Variants in PLCE1 observed in about 807,000 individuals in gnomAD.
PLCE1 encodes the protein 1-phosphatidylinositol 4,5-bisphosphate phosphodiesterase epsilon-1.
PLCE1 carries 119 observed loss-of-function variants against 242.8 expected under a neutral mutation model. The observed-to-expected ratio is 0.49, with a 90% CI of 0.42 to 0.57. PLCE1 has a LOEUF of 0.57. PLCE1 is among the 20% of genes least tolerant of loss of function. PLCE1 has a pLI of 0.00. For synonymous variants in PLCE1, 945 were observed against 1,017.4 expected, an observed-to-expected ratio of 0.93 and a Z score of 1.35; for missense variants, 2,441 against 2,788.8, an observed-to-expected ratio of 0.88 and a Z score of 2.81.
At chr10:94,220,376 T>TTATATATATTTA (rs2049688620) in intron 4 of PLCE1, among the ~76,000 whole-genome samples, 2 of 61,878 alleles carry the variant, frequency 3.2e-5, no homozygotes, top group African/African-American at 6.3e-5. Context: ...ACTAAACATT[T>TTATATATATTTA]TATATATATA....
Position 94,100,892 on chromosome 10 carries a change from T to C in PLCE1, c.1207-31282T>C, listed in dbSNP as rs1037404158. Among the ~76,000 whole-genome samples the C allele has an allele frequency of 3.9e-5, 6 of 152,170 alleles. No homozygotes were observed. In the South Asian group the frequency reaches 8.3e-4, roughly 21 times the overall value. ...ACAGGGGAGGGTTCCCTGTCTGGAA[T>C]TGGAGGCTCAGATGGGGCTTCCTCC... On this transcript the variant is annotated intron_variant, in intron 2 of 32. Transcript: ENST00000371380.
At chr10:94,297,590 T>TAAAAAAAAAAAAAAAAAAAAA (rs71031568) in intron 23 of PLCE1, among the ~76,000 whole-genome samples, 11 of 56,572 alleles carry the variant, frequency 1.9e-4, no homozygotes, top group East Asian at 5.6e-4. Context: ...TTTAAATTTG[T>TAAAAAAAAAAAAAAAAAAAAA]AAAAAAAAAA....
chr10:94,311,292 G>A (rs557646386), intron 27 of PLCE1, among the ~76,000 whole-genome samples: 3 of 152,202 alleles, frequency 2.0e-5, no homozygotes, highest in Non-Finnish European at 4.4e-5. Flanking sequence ...AGGTCTGGCA[G>A]CAGGGCTGAA....
intron 2 of PLCE1, chr10:94,121,053 T>C (rs1282576359): frequency 1.3e-5 from 2 of 152,222 alleles, no homozygotes; most frequent in African/African-American, 4.8e-5. Context: ...GTAACTCTGA[T>C]ATTGACCAAG....
intron 3 of PLCE1, among the ~76,000 whole-genome samples, chr10:94,140,506 G>A (rs1469992513): frequency 6.6e-6 from 1 of 152,142 alleles, no homozygotes; most frequent in Non-Finnish European, 1.5e-5. Flanking sequence ...ACACACCACT[G>A]TACTCCCTCC....
intron 22 of PLCE1, among the ~76,000 whole-genome samples, chr10:94,289,389 G>C (rs1451457749): frequency 1.3e-5 from 2 of 152,176 alleles, no homozygotes; most frequent in African/African-American, 4.8e-5. Flanking sequence ...AGAGCATCCA[G>C]AAGAAAGCCT....
chr10:93,999,634 G>A (rs1182869188), intron 1 of PLCE1, among the ~76,000 whole-genome samples: 1 of 152,170 alleles, frequency 6.6e-6, no homozygotes, highest in Non-Finnish European at 1.5e-5. Flanking sequence ...ACTGCATCTG[G>A]ACAGCCCGAA....
chr10:94,245,143 A>G (rs747454778), intron 7 of PLCE1, among the ~76,000 whole-genome samples: 5 of 152,218 alleles, frequency 3.3e-5, no homozygotes, highest in Admixed American at 1.3e-4. Context: ...AAGCCTAACA[A>G]TGAAAATCCC....
chr10:94,010,582 A>C (rs944950987), intron 1 of PLCE1, among the ~76,000 whole-genome samples: 1 of 152,202 alleles, frequency 6.6e-6, no homozygotes, highest in Non-Finnish European at 1.5e-5. Context: ...TAAGAGTTCG[A>C]ACTTTAAGTC....
Position 94,051,286 on chromosome 10 carries a change from C to CAAAAAAAAAA in PLCE1, c.1206+19051_1206+19060dup, listed in dbSNP as rs869233995. Among the ~76,000 whole-genome samples the CAAAAAAAAAA allele has an allele frequency of 1.5e-3, 43 of 29,364 alleles. 7 individuals are homozygous for CAAAAAAAAAA. The highest frequency in any genetic ancestry group is 4.0e-3 in the South Asian group (2 of 502). The allele number at this position is 29,364 out of a possible 152,430, so 19.3% of individuals were successfully genotyped here. A position where few individuals can be genotyped will look rare whatever the true frequency, so the allele number is the denominator to read the frequency against. On this transcript the variant is annotated intron_variant, in intron 2 of 32. Coordinates refer to ENST00000371380, the MANE Select transcript of PLCE1 (RefSeq NM_016341.4). ...TGGGTGATAGAGCGAGACTCCAACT[C>CAAAAAAAAAA]AAAAAAAAAAAAAAAAAAAAAAAAA...
chr10:94,215,734 G>A (rs1269519785), intron 4 of PLCE1, among the ~76,000 whole-genome samples: 1 of 152,134 alleles, frequency 6.6e-6, no homozygotes. Context: ...CATATATGGA[G>A]AGGATGTAGC....
At position 94,175,976 on chromosome 10, in the gene PLCE1, A is replaced by G. The variant is rs192791970; in HGVS notation, c.1809+4480A>G. ...CTATTCATCTTGTTGATGGACACTT[A>G]GGTTGCTTCCAAATCTTGGCTATTG... On this transcript the variant is annotated intron_variant, in intron 4 of 32. Coordinates refer to ENST00000371380, the MANE Select transcript of PLCE1 (RefSeq NM_016341.4). Among the ~76,000 whole-genome samples the G allele has an allele frequency of 7.2e-5, 11 of 152,286 alleles. No individual in the cohort carries two copies. The South Asian group carries it at 1.7e-3, about 23-fold the overall frequency.
chr10:94,178,352 T>A (rs1361330926), intron 4 of PLCE1, among the ~76,000 whole-genome samples: 3 of 152,100 alleles, frequency 2.0e-5, no homozygotes, highest in Non-Finnish European at 2.9e-5. Flanking sequence ...GACCCCCAGT[T>A]CTATTGAGAC....
chr10:94,220,376 T>TTATATTCATA lies in PLCE1; in HGVS notation c.1810-6925_1810-6924insTCATATATAT, dbSNP rs1234804837. On this transcript the variant is annotated intron_variant, in intron 4 of 32. Transcript: ENST00000371380. ...AATAAAAGCTTAAAAACTAAACATT[T>TTATATTCATA]TATATATATATATATATATATATAT... Among the ~76,000 whole-genome samples the TTATATTCATA allele has an allele frequency of 2.4e-4, 15 of 61,906 alleles. 1 individual carries two copies. The highest frequency in any genetic ancestry group is 7.5e-4 in the Admixed American group (4 of 5,304). The allele number at this position is 61,906 out of a possible 152,430, so 40.6% of individuals were successfully genotyped here.
chr10:94,164,866 A>C (rs996471637), intron 3 of PLCE1, among the ~76,000 whole-genome samples: 1 of 152,194 alleles, frequency 6.6e-6, no homozygotes, highest in African/African-American at 2.4e-5. Context: ...CAGGACCCTC[A>C]GCTGCAGGTC....
At chr10:94,032,878 T>C (rs2061588257) in intron 2 of PLCE1, among the ~76,000 whole-genome samples, 1 of 152,132 alleles carries the variant, frequency 6.6e-6, no homozygotes, top group African/African-American at 2.4e-5. Flanking sequence ...TATCTAGTTA[T>C]GTGATAACTA....
intron 24 of PLCE1, among the ~76,000 whole-genome samples, chr10:94,300,743 T>C (rs1343395099): frequency 6.6e-6 from 1 of 152,190 alleles, no homozygotes; most frequent in Non-Finnish European, 1.5e-5. Context: ...TCCAAGTGTT[T>C]ACTTCTCTGA....
At chr10:94,288,610 G>T (rs984444990) in intron 22 of PLCE1, among the ~76,000 whole-genome samples, 3 of 152,146 alleles carry the variant, frequency 2.0e-5, no homozygotes, top group Non-Finnish European at 2.9e-5. Context: ...TCAGGAGCAG[G>T]TAGAGCCAGA....
chr10:94,219,928 C>T (rs578064374), intron 4 of PLCE1, among the ~76,000 whole-genome samples: 4 of 152,152 alleles, frequency 2.6e-5, no homozygotes, highest in African/African-American at 9.6e-5. Flanking sequence ...TCTGAAAAAG[C>T]TACCTTTGGG....
Sources: gnomAD v4.1 joint callset for allele counts (sites outside exome capture counted in the v4.1 genomes callset) on GRCh38, gnomAD v4.1.1 for gene constraint, MANE v1.5 for transcripts, NCBI Gene and HGNC (gene_info 2026-07-23, HGNC 2026-07-21) for gene names.